Variants in HK3 observed in about 807,000 individuals in gnomAD.
HK3 encodes hexokinase 3.
Under a neutral mutation model 91.0 loss-of-function variants are expected in HK3, and 93 were observed. That is an observed-to-expected ratio of 1.02 (90% CI 0.86 to 1.21). The LOEUF is 1.21. Ranked by LOEUF, HK3 falls within the 50% of genes most tolerant of loss-of-function variation. HK3 has a pLI of 0.00. For missense variants in HK3, 1,235 were observed against 1,247.4 expected (o/e 0.99, Z 0.15); for synonymous variants, 519 against 516.9 (o/e 1.00, Z -0.06).
intron 10 of HK3, 78 bp downstream of exon 10, chr5:176,888,254 T>C (rs1758654625): frequency 8.1e-7 from 1 of 1,229,364 alleles, no homozygotes; most frequent in Admixed American, 2.0e-5. Flanking sequence ...GCACATGTGA[T>C]CCCAGAGGGC....
In HK3 at chr5:176,882,177, A is replaced by G. The variant is rs756724294; in HGVS notation, c.2054-50T>C. 14 of 1,594,244 alleles carry G rather than the reference A, an allele frequency of 8.8e-6. No homozygotes were observed. The East Asian group carries it at 9.0e-5, about 10-fold the overall frequency. On this transcript the variant is annotated intron_variant, in intron 15 of 18. Coordinates refer to ENST00000292432, the MANE Select transcript of HK3 (RefSeq NM_002115.3). ...AAGCTACTTACTGATGTAGACAAGGACCCTCTGAGCACTTCCCATACCGAG... is the reference window on the plus strand; with the variant it reads ...AAGCTACTTACTGATGTAGACAAGGGCCCTCTGAGCACTTCCCATACCGAG...
rs373709615 is a variant in HK3, at chr5:176,887,009, A to G, written c.1850T>C (p.Leu617Pro). Residue 617 changes from leucine to proline, a missense_variant, in exon 13 of 19, where the codon CTA (leucine) becomes CCA (proline). Physicochemically the swap from Leu to Pro is moderately conservative, Grantham distance 98. Transcript: ENST00000292432. The surrounding 1 kb of genome is among the most constrained non-coding windows in gnomAD (Gnocchi z 4.9). The stretch of plus-strand genomic sequence containing the variant: ...CTCTTGGCCCTCCCTCACCTGGTCT[A>G]GGCCAAGCTGCCTACATGGGAAGGA... ...TFSFPCRQLGLDQGILLNWTK... is the reference protein window; with the variant it reads ...TFSFPCRQLGPDQGILLNWTK... The G allele has an allele frequency of 8.7e-6, 14 of 1,613,962 alleles. No individual in the cohort carries two copies. The highest frequency in any genetic ancestry group is 1.2e-5 in the Non-Finnish European group (14 of 1,180,018).
At chr5:176,883,948 C>T (rs1174864794) in intron 14 of HK3, 79 bp from the exon 15 acceptor site, 19 of 1,574,926 alleles carry the variant, frequency 1.2e-5, no homozygotes, top group African/African-American at 2.7e-5. Context: ...AGGTCTCTAC[C>T]GCAGAGGGCT....
chr5:176,889,871 A>C, intron 6 of HK3, 127 bp from the exon 7 acceptor site: 1 of 723,818 alleles, frequency 1.4e-6, no homozygotes, highest in Non-Finnish European at 2.4e-6. Context: ...ACATGTCTGC[A>C]TGCCACACAC....
At chr5:176,896,254 C>T in intron 1 of HK3, 69 bp from the exon 2 acceptor site, 1 of 745,238 alleles carries the variant, frequency 1.3e-6, no homozygotes, top group South Asian at 2.3e-5. Context: ...GTAACCCAGA[C>T]CAACTTCCTT....
chr5:176,881,608 C>T, intron 17 of HK3, 73 bp from the exon 18 acceptor site: 1 of 1,591,034 alleles, frequency 6.3e-7, no homozygotes, highest in African/African-American at 1.3e-5. Flanking sequence ...CAGAGCAGAC[C>T]TCGTCACCAC....
At chr5:176,885,138 C>T (rs994589274) in intron 13 of HK3, among the ~76,000 whole-genome samples, 1 of 152,190 alleles carries the variant, frequency 6.6e-6, no homozygotes, top group Admixed American at 6.5e-5. Flanking sequence ...GACAGGTGTC[C>T]TATGCCCTCC....
intron 1 of HK3, 124 bp from the exon 2 acceptor site, chr5:176,896,309 A>C: frequency 2.1e-6 from 1 of 486,406 alleles, no homozygotes; most frequent in Non-Finnish European, 3.7e-6. Context: ...AGAATTCAGA[A>C]CCTCCAACCA....
In HK3 at chr5:176,884,496, G is replaced by A. The variant is rs1277549597; in HGVS notation, c.1858-362C>T. On this transcript the variant is annotated intron_variant, in intron 13 of 18. Transcript: ENST00000292432. This position sits in a 1 kb window ranked among gnomAD's most constrained non-coding sequence, Gnocchi z 4.1. ...GCTGTGTGTGAGACAGGGGAGGACA[G>A]AGAAGGCTCAGAGGCCCAGATGACA... Among the ~76,000 whole-genome samples, 1 of 152,242 alleles carries A rather than the reference G, an allele frequency of 6.6e-6. No individual in the cohort carries two copies. Among genetic ancestry groups the A allele is most frequent in the Non-Finnish European group, 1.5e-5 (1 of 68,044 alleles).
chr5:176,896,779 C>T (rs910035149), intron 1 of HK3, among the ~76,000 whole-genome samples: 1 of 152,092 alleles, frequency 6.6e-6, no homozygotes, highest in Non-Finnish European at 1.5e-5. Flanking sequence ...GAAAGGGGTT[C>T]CACTAGTGAC....
intron 2 of HK3, among the ~76,000 whole-genome samples, chr5:176,894,951 T>A (rs1758870564): frequency 1.3e-5 from 2 of 151,534 alleles, no homozygotes; most frequent in South Asian, 4.2e-4. Context: ...TAATTTTTTG[T>A]ATTTTTTAGT....
At position 176,890,619 on chromosome 5, in the gene HK3, C is replaced by A; in HGVS notation, c.630+16G>T. ...CCAACATGGGCAGCCCTCCTGTCAC[C>A]CCTCCCTCCACTCACCCCCTGCCTC... On this transcript the variant is annotated intron_variant, in intron 6 of 18. Coordinates refer to ENST00000292432, the MANE Select transcript of HK3 (RefSeq NM_002115.3). The A allele has an allele frequency of 2.5e-6, 4 of 1,611,904 alleles. No homozygotes were observed. The highest frequency in any genetic ancestry group is 3.4e-6 in the Non-Finnish European group (4 of 1,178,060).
rs1203897037 is a variant in HK3, at chr5:176,889,813, C to T, written c.631-69G>A. The stretch of plus-strand genomic sequence containing the variant: ...CAGAGGAGGGAATCCAGGGGATGGG[C>T]AGGGCTGGGGCCCTGGCTTTGAAGG... On this transcript the variant is annotated intron_variant, in intron 6 of 18. Coordinates refer to ENST00000292432, the MANE Select transcript of HK3 (RefSeq NM_002115.3). The T allele has an allele frequency of 3.7e-6, 5 of 1,339,614 alleles. No individual in the cohort carries two copies. The Admixed American group carries it at 6.8e-5, about 18-fold the overall frequency. 83.0% of individuals were successfully genotyped at this position (1,339,614 alleles called of 1,614,324 possible).
At chr5:176,891,215 A>C in intron 3 of HK3, 24 bp from the exon 4 acceptor site, 1 of 1,614,000 alleles carries the variant, frequency 6.2e-7, no homozygotes, top group Non-Finnish European at 8.5e-7. Flanking sequence ...AGGTCACAGA[A>C]AGCCATGCAG....
In HK3 at chr5:176,888,751, C is replaced by G; in HGVS notation, c.1028G>C (p.Ser343Thr). The G allele has an allele frequency of 6.2e-7, 1 of 1,614,248 alleles. No individual in the cohort carries two copies. The change falls in exon 9 of 19, where the codon AGC (serine) becomes ACC (threonine). Residue 343 changes from serine to threonine, a missense_variant. Physicochemically the swap from Ser to Thr is moderately conservative, Grantham distance 58. This residue lies in a region of HK3 where 717 missense variants were observed against 751.6 expected (regional missense o/e 0.95). Coordinates refer to ENST00000292432, the MANE Select transcript of HK3 (RefSeq NM_002115.3). ...FGGCTSPALL[S>T]QGSILLEHVA... Reference sequence around the variant, plus strand: ...GTGTTCCAGGAGGATGCTGCCTTGGCTCAGCAGGGCAGGGGAGGTGCAGCC... The same window carrying G: ...GTGTTCCAGGAGGATGCTGCCTTGGGTCAGCAGGGCAGGGGAGGTGCAGCC...
At chr5:176,886,208 G>A (rs1758580047) in intron 13 of HK3, among the ~76,000 whole-genome samples, 1 of 151,890 alleles carries the variant, frequency 6.6e-6, no homozygotes, top group African/African-American at 2.4e-5. Flanking sequence ...ACTCCAACCT[G>A]GGCGACAGAG....
chr5:176,882,141 A>G lies in HK3; in HGVS notation c.2054-14T>C, dbSNP rs190768346. 1.6e-3 allele frequency: 2,559 copies of G among 1,612,036 alleles called. 40 individuals are homozygous for G. The Admixed American group carries it at 0.034, about 21-fold the overall frequency. On this transcript the variant is annotated splice_polypyrimidine_tract_variant and intron_variant, in intron 15 of 18. Transcript: ENST00000292432. ...TGGTGCCGGTTCCTGCAGAGAGGCC[A>G]GACAACGTGGAAGCTACTTACTGAT... is the stretch of plus-strand genomic sequence containing the variant.
Position 176,881,192 on chromosome 5 carries a change from C to T in HK3, c.2653G>A (p.Val885Met). ...ACACAGCGAGGGGCCAGCTCCCGCA[C>T]TGTGGCCGCCACCAGGCTGGAGAAG... ...PRFSSLVAAT[V>M]RELAPRCVVT... The change falls in exon 19 of 19, where the codon GTG becomes ATG. Residue 885 changes from valine to methionine, a missense_variant. Val to Met is a conservative substitution (Grantham distance 21). Transcript: ENST00000292432. The T allele has an allele frequency of 1.2e-6, 2 of 1,613,194 alleles. No homozygotes were observed. Among genetic ancestry groups the T allele is most frequent in the Non-Finnish European group, 1.7e-6 (2 of 1,179,942 alleles).
intron 15 of HK3, among the ~76,000 whole-genome samples, chr5:176,882,582 T>C (rs1395686483): frequency 6.6e-6 from 1 of 151,972 alleles, no homozygotes; most frequent in Non-Finnish European, 1.5e-5. Flanking sequence ...TGGCCAGAGG[T>C]CAGGCAATGA....
Sources: allele counts gnomAD v4.1 joint callset (sites outside exome capture counted in the v4.1 genomes callset), GRCh38; gene constraint gnomAD v4.1.1; regional missense constraint gnomAD v4.1.1; non-coding constraint Gnocchi (gnomAD v3.1); transcripts MANE v1.5; gene names NCBI Gene and HGNC (gene_info 2026-07-23, HGNC 2026-07-21).